The following GZF1 variants were observed in gnomAD, a reference collection of about 807,000 sequenced individuals.
The protein encoded by GZF1 is GDNF inducible zinc finger protein 1.
GZF1 carries 28 observed loss-of-function variants against 49.4 expected under a neutral mutation model. That is an observed-to-expected ratio of 0.57 (90% confidence interval 0.42 to 0.78). GZF1 has a LOEUF of 0.78. GZF1 is among the 30% of genes least tolerant of loss of function. The pLI is 0.00. For synonymous variants in GZF1, 364 were observed against 356.0 expected, an observed-to-expected ratio of 1.02 and a Z score of -0.25; for missense variants, 798 against 916.2, an observed-to-expected ratio of 0.87 and a Z score of 1.67.
intron 2 of GZF1, among the ~76,000 whole-genome samples, chr20:23,366,382 T>C (rs778520043): frequency 1.4e-4 from 22 of 152,200 alleles, no homozygotes; most frequent in South Asian, 4.1e-4. Flanking sequence ...CCTAGGTCAG[T>C]CTTGGGTTAG....
Position 23,369,666 on chromosome 20 carries a change from A to G in GZF1, c.1710A>G (p.Thr570=), listed in dbSNP as rs1454605808. 2 of 1,614,104 alleles carry G rather than the reference A, an allele frequency of 1.2e-6. No homozygotes were observed. The highest frequency in any genetic ancestry group is 1.7e-6 in the Non-Finnish European group (2 of 1,179,960). ...NALQRHRRIH[T]GERPFMCNAC... ...TCCAGCGCCACCGCCGCATCCACAC[A>G]GGGGAGAGGCCATTCATGTGCAATG... The change falls in exon 5 of 6, where the codon ACA becomes ACG. Residue 570 remains threonine, a synonymous_variant. Transcript: ENST00000338121.
rs2123070897 is a variant in GZF1 at position 23,368,937 on chromosome 20, T to G, written c.1627+8T>G. 1.2e-6 allele frequency: 2 copies of G among 1,602,552 alleles called. No homozygotes were observed. The highest frequency in any genetic ancestry group is 1.7e-5 in the Admixed American group (1 of 58,032). The stretch of plus-strand genomic sequence containing the variant: ...ATATTAAAGTCCACACAGGTATGGT[T>G]GGAATGTCCCAGGGAAGGGAGTTTA... On this transcript the variant is annotated splice_region_variant and intron_variant, in intron 4 of 5. Transcript: ENST00000338121.
rs2123039243 is a variant in GZF1 at position 23,365,196 on chromosome 20, G to A, written c.813G>A (p.Thr271=). The part of the protein sequence containing the change: ...PQDQSPDRVG[T]EMEQVSKNEG... ...ACCAAAGCCCGGACAGGGTGGGCAC[G>A]GAGATGGAGCAGGTTTCCAAAAATG... The change falls in exon 2 of 6, where the codon ACG becomes ACA. Residue 271 remains threonine, a synonymous_variant. Transcript: ENST00000338121. The A allele has an allele frequency of 1.2e-6, 2 of 1,607,134 alleles. No homozygotes were observed. Among genetic ancestry groups the A allele is most frequent in the Non-Finnish European group, 1.7e-6 (2 of 1,176,314 alleles).
rs750443532 is a variant in GZF1, at chr20:23,370,353, T to TG, written c.2050dup (p.Ala684GlyfsTer6). 5 of 1,613,968 alleles carry TG rather than the reference T, an allele frequency of 3.1e-6. No homozygotes were observed. Among genetic ancestry groups the TG allele is most frequent in the Non-Finnish European group, 4.2e-6 (5 of 1,179,850 alleles). ...TCCGTGGTGTCCCAGGACACCCTCCTGGCCACCACCATCAGTGAGCTTAGC... is the reference window on the plus strand; with the variant it reads ...TCCGTGGTGTCCCAGGACACCCTCCTGGGCCACCACCATCAGTGAGCTTAGC... On this transcript the variant is annotated frameshift_variant, in exon 6 of 6. Coordinates refer to ENST00000338121, the MANE Select transcript of GZF1 (RefSeq NM_022482.5). LOFTEE classifies it high-confidence loss of function.
rs1359301754 is a variant in GZF1, at chr20:23,371,166, A to G, written c.*725A>G. The G allele has an allele frequency of 6.5e-6, 1 of 152,764 alleles. No homozygotes were observed. Among genetic ancestry groups the G allele is most frequent in the South Asian group, 2.1e-4 (1 of 4,828 alleles). 9.5% of individuals were successfully genotyped at this position (152,764 alleles called of 1,614,324 possible). ...GATGAGGCTGTTCAGTTTGTCTTAAAAAAATCAGATTAGGTAAAAGCTGTC... is the reference window on the plus strand; with the variant it reads ...GATGAGGCTGTTCAGTTTGTCTTAAGAAAATCAGATTAGGTAAAAGCTGTC... On this transcript the variant is annotated 3_prime_UTR_variant, in exon 6 of 6. Coordinates refer to ENST00000338121, the MANE Select transcript of GZF1 (RefSeq NM_022482.5).
In GZF1 at chr20:23,365,730, G is replaced by C; in HGVS notation, c.1347G>C (p.Ala449=). Residue 449 remains alanine, a synonymous_variant, in exon 2 of 6, where the codon GCG becomes GCC. Coordinates refer to ENST00000338121, the MANE Select transcript of GZF1 (RefSeq NM_022482.5). ...ECGARFSQPS[A]LKTHMRIHTG... ...GCGCCAGGTTCTCGCAGCCGTCCGC[G>C]CTCAAGACGCACATGAGGTACGCGG... 3 of 1,543,874 alleles carry C rather than the reference G, an allele frequency of 1.9e-6. No homozygotes were observed. Among genetic ancestry groups the C allele is most frequent in the South Asian group, 1.2e-5 (1 of 82,458 alleles).
Position 23,370,656 on chromosome 20 carries a change from A to G in GZF1, c.*215A>G. 1 of 553,784 alleles carries G rather than the reference A, an allele frequency of 1.8e-6. No individual in the cohort carries two copies. The allele number at this position is 553,784 out of a possible 1,614,324, so 34.3% of individuals were successfully genotyped here. ...TGATCTGCATGATCTCAGCTACTTT[A>G]TTGACAAAAAGGCAGTGAACATAAC... On this transcript the variant is annotated 3_prime_UTR_variant, in exon 6 of 6. Transcript: ENST00000338121.
At chr20:23,361,514 G>A (rs1439810063), upstream of GZF1, among the ~76,000 whole-genome samples, 1 of 152,366 alleles carries the variant, frequency 6.6e-6, no homozygotes, top group East Asian at 1.9e-4. Flanking sequence ...AAAGACGGCA[G>A]GGTGCGGTCC....
chr20:23,367,120 TTGAA>T (rs1297832584), intron 3 of GZF1, 23 bp downstream of exon 3: 1 of 1,456,336 alleles, frequency 6.9e-7, no homozygotes, highest in Non-Finnish European at 9.6e-7. Flanking sequence ...GCTGTTGTGA[TTGAA>T]TGTCTTTCCT....
chr20:23,366,831 GCAGAA>G (rs1185189064), intron 2 of GZF1, among the ~76,000 whole-genome samples, 167 bp from the exon 3 acceptor site: 1 of 152,220 alleles, frequency 6.6e-6, no homozygotes, highest in Admixed American at 6.5e-5. Flanking sequence ...TTGACCTTGT[GCAGAA>G]ACTCAGTTTA....
rs560543912 is a variant in GZF1 at position 23,364,585 on chromosome 20, A to G, written c.202A>G (p.Lys68Glu). The G allele has an allele frequency of 6.2e-7, 1 of 1,614,198 alleles. No homozygotes were observed. Among genetic ancestry groups the G allele is most frequent in the Admixed American group, 1.7e-5 (1 of 60,022 alleles). The change falls in exon 2 of 6, where the codon AAG becomes GAG. Residue 68 changes from lysine (K) to glutamate (E), a missense_variant. Around this residue, in one of 3 missense-constraint regions of GZF1, gnomAD observed 105 missense variants for 147.5 expected, o/e 0.71. Coordinates refer to ENST00000338121, the MANE Select transcript of GZF1 (RefSeq NM_022482.5). ...TTTTAAGGAAGTGTTCCTTAATGAGAAGAGTGTGGATGGTACTAGGACTAA... is the reference window on the plus strand; with the variant it reads ...TTTTAAGGAAGTGTTCCTTAATGAGGAGAGTGTGGATGGTACTAGGACTAA... The part of the protein sequence containing the change: ...KFFKEVFLNE[K>E]SVDGTRTNVY...
rs754685811 is a variant in GZF1, at chr20:23,370,232, G to A, written c.1927G>A (p.Glu643Lys). ...KLSDKLLSFAENGHFHNLAAV... is the reference protein window; with the variant it reads ...KLSDKLLSFAKNGHFHNLAAV... ...TTCGGATAAATTGCTGTCTTTTGCA[G>A]AAAATGGCCATTTCCACAACCTGGC... Residue 643 changes from glutamate (E) to lysine (K), a missense_variant, in exon 6 of 6, where the codon GAA (glutamate) becomes AAA (lysine). Around this residue, in one of 3 missense-constraint regions of GZF1, gnomAD observed 446 missense variants for 540.1 expected, o/e 0.83. Coordinates refer to ENST00000338121, the MANE Select transcript of GZF1 (RefSeq NM_022482.5). 9 of 1,614,234 alleles carry A rather than the reference G, an allele frequency of 5.6e-6. No homozygotes were observed. Among genetic ancestry groups the A allele is most frequent in the Non-Finnish European group, 7.6e-6 (9 of 1,180,046 alleles).
In GZF1 at chr20:23,365,707, G is replaced by A. The variant is rs1425827038; in HGVS notation, c.1324G>A (p.Ala442Thr). 1 of 1,566,152 alleles carries A rather than the reference G, an allele frequency of 6.4e-7. No homozygotes were observed. The highest frequency in any genetic ancestry group is 8.6e-7 in the Non-Finnish European group (1 of 1,160,942). ...GCCCTACGGCTGCACCGAGTGCGGC[G>A]CCAGGTTCTCGCAGCCGTCCGCGCT... is the stretch of plus-strand genomic sequence containing the variant. ...DRPYGCTECG[A>T]RFSQPSALKT... The change falls in exon 2 of 6, where the codon GCC (alanine) becomes ACC (threonine). Residue 442 changes from alanine to threonine, a missense_variant. Coordinates refer to ENST00000338121, the MANE Select transcript of GZF1 (RefSeq NM_022482.5).
In GZF1 at chr20:23,371,186, G is replaced by C. The variant is rs1463716020; in HGVS notation, c.*745G>C. ...CTTAAAAAAATCAGATTAGGTAAAA[G>C]CTGTCCTACCAAAGAGTCTAGCAAA... On this transcript the variant is annotated 3_prime_UTR_variant, in exon 6 of 6. Coordinates refer to ENST00000338121, the MANE Select transcript of GZF1 (RefSeq NM_022482.5). 1 of 152,648 alleles carries C rather than the reference G, an allele frequency of 6.6e-6. No individual in the cohort carries two copies. The highest frequency in any genetic ancestry group is 2.4e-5 in the African/African-American group (1 of 41,452). 9.5% of individuals were successfully genotyped at this position (152,648 alleles called of 1,614,324 possible). A position where few individuals can be genotyped will look rare whatever the true frequency, so the allele number is the denominator to read the frequency against.
At position 23,370,499 on chromosome 20, in the gene GZF1, G is replaced by T; in HGVS notation, c.*58G>T. 9.0e-7 allele frequency: 1 copy of T among 1,106,492 alleles called. No homozygotes were observed. The highest frequency in any genetic ancestry group is 1.3e-5 in the South Asian group (1 of 74,920). The allele number at this position is 1,106,492 out of a possible 1,614,324, so 68.5% of individuals were successfully genotyped here. ...CGTGTGTGGTAGCTGAACTCAAGAT[G>T]ATGTGGGGCTAAGAAAAATAATTGT... On this transcript the variant is annotated 3_prime_UTR_variant, in exon 6 of 6. Coordinates refer to ENST00000338121, the MANE Select transcript of GZF1 (RefSeq NM_022482.5).
In GZF1 at chr20:23,370,461, T is replaced by C. The variant is rs200977508; in HGVS notation, c.*20T>C. ...GAATAAGAGCTTCAAGCAGTTCCCATCCTGTTAGTCTGCGTGTGTGGTAGC... is the reference window on the plus strand; with the variant it reads ...GAATAAGAGCTTCAAGCAGTTCCCACCCTGTTAGTCTGCGTGTGTGGTAGC... On this transcript the variant is annotated 3_prime_UTR_variant, in exon 6 of 6. Transcript: ENST00000338121. 321 of 1,460,710 alleles carry C rather than the reference T, an allele frequency of 2.2e-4. 1 individual carries two copies. Among genetic ancestry groups the C allele is most frequent in the Non-Finnish European group, 2.9e-4 (303 of 1,046,456 alleles). The allele number at this position is 1,460,710 out of a possible 1,614,324, so 90.5% of individuals were successfully genotyped here. A position where few individuals can be genotyped will look rare whatever the true frequency, so the allele number is the denominator to read the frequency against.
At chr20:23,362,812 A>C (rs1342834994) in intron 1 of GZF1, 2 of 152,396 alleles carry the variant, frequency 1.3e-5, no homozygotes, top group East Asian at 3.9e-4. Context: ...CAACATAGGA[A>C]ATCGCGCTCA....
chr20:23,365,670 C>T lies in GZF1; in HGVS notation c.1287C>T (p.His429=), dbSNP rs1981260265. 1 of 1,596,966 alleles carries T rather than the reference C, an allele frequency of 6.3e-7. No homozygotes were observed. The highest frequency in any genetic ancestry group is 1.3e-5 in the African/African-American group (1 of 74,814). Residue 429 remains histidine (H), a synonymous_variant, in exon 2 of 6, where the codon CAC becomes CAT. Transcript: ENST00000338121. Reference sequence around the variant, plus strand: ...CGCTGCGGCTGCACGAGCGCACACACACGGGAGACCGGCCCTACGGCTGCA... The same window carrying T: ...CGCTGCGGCTGCACGAGCGCACACATACGGGAGACCGGCCCTACGGCTGCA... ...KTALRLHERT[H]TGDRPYGCTE... is the part of the protein sequence containing the mutation.
At position 23,364,795 on chromosome 20, in the gene GZF1, T is replaced by C; in HGVS notation, c.412T>C (p.Leu138=). 2 of 1,614,252 alleles carry C rather than the reference T, an allele frequency of 1.2e-6. No homozygotes were observed. Among genetic ancestry groups the C allele is most frequent in the Non-Finnish European group, 1.7e-6 (2 of 1,180,038 alleles). Residue 138 remains leucine, a synonymous_variant, in exon 2 of 6, where the codon TTG becomes CTG. Coordinates refer to ENST00000338121, the MANE Select transcript of GZF1 (RefSeq NM_022482.5). ...LKKQMLESVL[L]ELQNFSESQE... ...GAAACAGATGTTAGAGTCAGTACTTTTGGAGTTGCAAAATTTCTCAGAGTC... is the reference window on the plus strand; with the variant it reads ...GAAACAGATGTTAGAGTCAGTACTTCTGGAGTTGCAAAATTTCTCAGAGTC...
Sources: gnomAD v4.1 joint callset for allele counts (sites outside exome capture counted in the v4.1 genomes callset) on GRCh38, gnomAD v4.1.1 for gene constraint, gnomAD v4.1.1 regional missense constraint, MANE v1.5 for transcripts, NCBI Gene and HGNC (gene_info 2026-07-23, HGNC 2026-07-21) for gene names.